The following MYO3B variants were observed in gnomAD, a reference collection of about 807,000 sequenced individuals.
MYO3B encodes myosin IIIB.
MYO3B carries 156 observed loss-of-function variants against 174.6 expected under a neutral mutation model. That is an observed-to-expected ratio of 0.89 (90% CI 0.78 to 1.02). The LOEUF is 1.02. MYO3B is among the 50% of genes least tolerant of loss of function. The pLI is 0.00. For synonymous variants in MYO3B, 563 were observed against 569.1 expected (o/e 0.99, Z 0.15); for missense variants, 1,632 against 1,639.4 (o/e 1.00, Z 0.08).
In MYO3B at chr2:170,211,701, G is replaced by A. The variant is rs574453331; in HGVS notation, c.322-2678G>A. Among the ~76,000 whole-genome samples, 5 of 152,162 alleles carry A rather than the reference G, an allele frequency of 3.3e-5. No homozygotes were observed. In the South Asian group the frequency reaches 1.0e-3, roughly 32 times the overall value. The stretch of plus-strand genomic sequence containing the variant: ...TTTCCTAAGCCAGGATTGAACCTAG[G>A]CATCATTGTGAAATGAAAAACAAAA... On this transcript the variant is annotated intron_variant, in intron 3 of 34. Transcript: ENST00000408978.
chr2:170,518,814 T>C (rs114504216), intron 29 of MYO3B, among the ~76,000 whole-genome samples: 82 of 152,260 alleles, frequency 5.4e-4, no homozygotes, highest in Non-Finnish European at 8.8e-4. Context: ...TGACAACCAC[T>C]GATGTGAAGT....
intron 30 of MYO3B, among the ~76,000 whole-genome samples, chr2:170,540,179 G>C (rs898650297): frequency 4.6e-5 from 7 of 152,078 alleles, no homozygotes; most frequent in African/African-American, 1.7e-4. Context: ...AAATTAGCCA[G>C]GTGTGGTGGT....
intron 3 of MYO3B, among the ~76,000 whole-genome samples, chr2:170,203,503 G>C (rs905159513): frequency 9.2e-5 from 13 of 140,970 alleles, no homozygotes; most frequent in South Asian, 4.7e-4. Flanking sequence ...GGCGGCGGGG[G>C]GGGGAGGGAG....
intron 31 of MYO3B, 45 bp from the exon 32 acceptor site, chr2:170,543,847 A>G (rs1690287124): frequency 6.6e-7 from 1 of 1,522,966 alleles, no homozygotes; most frequent in Non-Finnish European, 9.1e-7. Context: ...AGGCTGTTTC[A>G]TCAGAGGATA....
At chr2:170,497,893 C>T (rs10178562) in intron 25 of MYO3B, among the ~76,000 whole-genome samples, 40,467 of 143,412 alleles carry the variant, frequency 0.28, 5,944 homozygotes, top group East Asian at 0.44. Context: ...TGCAGTGAGC[C>T]GAGATGGCGC....
At chr2:170,283,188 A>G (rs2093527025) in intron 7 of MYO3B, among the ~76,000 whole-genome samples, 1 of 151,828 alleles carries the variant, frequency 6.6e-6, no homozygotes. Flanking sequence ...TATTGTATAG[A>G]CTCTGGGAGC....
At chr2:170,533,426 G>A (rs954701327) in intron 30 of MYO3B, among the ~76,000 whole-genome samples, 1 of 45,394 alleles carries the variant, frequency 2.2e-5, no homozygotes, top group Admixed American at 3.2e-4. Context: ...TTGTGGGGGT[G>A]GGGGGGGGGT....
At chr2:170,371,689 A>AG (rs1418494320) in intron 9 of MYO3B, among the ~76,000 whole-genome samples, 3 of 96,788 alleles carry the variant, frequency 3.1e-5, no homozygotes, top group Non-Finnish European at 6.1e-5. Flanking sequence ...AAGTTAAAGC[A>AG]GAAAAAAAAA....
chr2:170,240,508 A>G (rs774621671), intron 7 of MYO3B, among the ~76,000 whole-genome samples: 5 of 152,192 alleles, frequency 3.3e-5, no homozygotes, highest in Non-Finnish European at 7.3e-5. Context: ...AGGAAAAATG[A>G]TTTGAATCTG....
intron 7 of MYO3B, among the ~76,000 whole-genome samples, chr2:170,294,829 C>A (rs1349475798): frequency 2.0e-5 from 3 of 151,984 alleles, no homozygotes; most frequent in African/African-American, 7.2e-5. Flanking sequence ...TTCAGTTGTA[C>A]CACTCTGGTG....
intron 30 of MYO3B, among the ~76,000 whole-genome samples, chr2:170,530,225 C>A (rs779617878): frequency 7.2e-5 from 11 of 152,112 alleles, no homozygotes; most frequent in Non-Finnish European, 1.0e-4. Flanking sequence ...AGAGAGCTCT[C>A]GTGAAACAGA....
At chr2:170,264,733 A>T (rs908697287) in intron 7 of MYO3B, among the ~76,000 whole-genome samples, 6 of 152,258 alleles carry the variant, frequency 3.9e-5, no homozygotes, top group Admixed American at 2.0e-4. Flanking sequence ...CTACTGTCTT[A>T]TGCTCTTAAA....
rs751943272 is a variant in MYO3B, at chr2:170,653,006, A to G, written c.3911A>G (p.Glu1304Gly). The change falls in exon 35 of 35, where the codon GAA (glutamate) becomes GGA (glycine). Residue 1304 changes from glutamate to glycine, a missense_variant. Glu to Gly is a moderately conservative substitution (Grantham distance 98, BLOSUM62 -2). Transcript: ENST00000408978. ...AGCCAAATCAAAGTACTTGATGGGG[A>G]AGATGAATATTACAAATCTCTGTCA... ...KLGQIKVLDG[E>G]DEYYKSLSPV... is the part of the protein sequence containing the mutation. 17 of 1,614,156 alleles carry G rather than the reference A, an allele frequency of 1.1e-5. No individual in the cohort carries two copies. The highest frequency in any genetic ancestry group is 8.8e-5 in the South Asian group (8 of 91,066).
chr2:170,630,447 C>T (rs1221987114), intron 32 of MYO3B, among the ~76,000 whole-genome samples: 1 of 152,196 alleles, frequency 6.6e-6, no homozygotes, highest in Non-Finnish European at 1.5e-5. Context: ...CTGCCTGCCT[C>T]TGTAGACTCC....
chr2:170,340,332 A>G (rs1254380329), intron 8 of MYO3B: 1 of 152,228 alleles, frequency 6.6e-6, no homozygotes, highest in African/African-American at 2.4e-5. Flanking sequence ...AATTCCACCA[A>G]TAGCATCACG....
At chr2:170,518,609 A>G (rs1156274598) in intron 29 of MYO3B, among the ~76,000 whole-genome samples, 1 of 152,212 alleles carries the variant, frequency 6.6e-6, no homozygotes, top group African/African-American at 2.4e-5. Flanking sequence ...AGCCAGGAGT[A>G]AGACTCACTG....
chr2:170,469,817 A>T (rs986792259), intron 25 of MYO3B, among the ~76,000 whole-genome samples: 1 of 152,134 alleles, frequency 6.6e-6, no homozygotes, highest in Non-Finnish European at 1.5e-5. Context: ...AAAGTATACA[A>T]TTCAGCCGGG....
intron 30 of MYO3B, among the ~76,000 whole-genome samples, chr2:170,523,399 A>G (rs1688801219): frequency 6.6e-6 from 1 of 151,740 alleles, no homozygotes; most frequent in African/African-American, 2.4e-5. Flanking sequence ...TATGTTTGTC[A>G]ACTCAGTGTT....
intron 29 of MYO3B, among the ~76,000 whole-genome samples, chr2:170,516,388 T>C (rs1487562852): frequency 6.6e-6 from 1 of 151,968 alleles, no homozygotes; most frequent in Non-Finnish European, 1.5e-5. Context: ...ACGCCTGTAA[T>C]CCCAGCACTT....
Sources: gnomAD v4.1 joint callset for allele counts (sites outside exome capture counted in the v4.1 genomes callset) on GRCh38, gnomAD v4.1.1 for gene constraint, MANE v1.5 for transcripts, NCBI Gene and HGNC (gene_info 2026-07-23, HGNC 2026-07-21) for gene names.